RB1CC1: variants seen among roughly 807,000 people sequenced by gnomAD.
RB1CC1 encodes the protein RB1-inducible coiled-coil protein 1.
In RB1CC1, 46 loss-of-function variants were observed where a neutral mutation model predicts 177.5. That is an observed-to-expected ratio of 0.26 (90% confidence interval 0.20 to 0.33). RB1CC1 has a LOEUF of 0.33. Among genes scored for constraint, RB1CC1 ranks in the 10% least tolerant of loss-of-function variants. The pLI is 1.00. For synonymous variants in RB1CC1, 666 were observed against 613.6 expected (o/e 1.09, Z -1.26); for missense variants, 1,703 against 1,816.3 (o/e 0.94, Z 1.13).
chr8:52,660,627 C>A lies in RB1CC1; in HGVS notation c.1658G>T (p.Arg553Met), dbSNP rs1194129594. 1 of 1,599,832 alleles carries A rather than the reference C, an allele frequency of 6.3e-7. No homozygotes were observed. The highest frequency in any genetic ancestry group is 1.1e-5 in the South Asian group (1 of 87,074). Reference protein sequence around the residue: ...RKSFLRNRLFRGLDSWPPSFC... With the variant: ...RKSFLRNRLFMGLDSWPPSFC... ...GGAAGGGGGCCAGGAGTCCAGTCCC[C>A]TAAACAGACGATTTCTTAAAAAAGA... Residue 553 changes from arginine to methionine, a missense_variant, in exon 12 of 24, where the codon AGG becomes ATG. Arg to Met is a moderately conservative substitution (Grantham distance 91, BLOSUM62 -1). Coordinates refer to ENST00000025008, the MANE Select transcript of RB1CC1 (RefSeq NM_014781.5).
chr8:52,650,875 A>C (rs1415894785), intron 15 of RB1CC1, among the ~76,000 whole-genome samples: 2 of 152,198 alleles, frequency 1.3e-5, no homozygotes, highest in African/African-American at 4.8e-5. Context: ...TGGAAGCAAC[A>C]GCCTTTTTCT....
intron 15 of RB1CC1, among the ~76,000 whole-genome samples, chr8:52,650,807 G>A (rs968799163): frequency 2.2e-4 from 33 of 152,276 alleles, no homozygotes; most frequent in African/African-American, 7.9e-4. Flanking sequence ...GACTAAGGAA[G>A]GCAAGGCTTT....
In RB1CC1 at chr8:52,658,971, T is replaced by C. The variant is rs1352340231; in HGVS notation, c.1695A>G (p.Gln565=). The C allele has an allele frequency of 5.2e-6, 8 of 1,534,680 alleles. No individual in the cohort carries two copies. The East Asian group carries it at 1.2e-4, about 23-fold the overall frequency. Residue 565 remains glutamine (Q), a synonymous_variant, in exon 13 of 24, where the codon CAA becomes CAG. Transcript: ENST00000025008. ...LDSWPPSFCT[Q]KPRKFDCELP... ...GTTCACAGTCAAACTTTCGAGGCTT[T>C]TGAGTCTGTACCAAAAAAATTAATT...
rs778410870 is a variant in RB1CC1 at position 52,657,594 on chromosome 8, C to A, written c.2235G>T (p.Leu745Phe). 3.3e-5 allele frequency: 54 copies of A among 1,613,964 alleles called. No individual in the cohort carries two copies. The highest frequency in any genetic ancestry group is 4.2e-5 in the Non-Finnish European group (50 of 1,180,026). The change falls in exon 15 of 24, where the codon TTG becomes TTT. Residue 745 changes from leucine (L) to phenylalanine (F), a missense_variant. This residue lies in a region of RB1CC1 where 1,169 missense variants were observed against 1,184.7 expected (regional missense o/e 0.99). Transcript: ENST00000025008. ...GATCACTTATAGGATTAGGAGACGA[C>A]AAATTTTCTTCTATTACAAACTCAT... ...AVNEFVIEENLSSPNPISDPQ... is the reference protein window; with the variant it reads ...AVNEFVIEENFSSPNPISDPQ...
At chr8:52,670,051 G>A (rs554708230) in intron 7 of RB1CC1, among the ~76,000 whole-genome samples, 8 of 152,112 alleles carry the variant, frequency 5.3e-5, no homozygotes, top group East Asian at 1.9e-4. Flanking sequence ...GCGATCCTAC[G>A]GCCTCAGCAT....
chr8:52,699,804 CAAAAAAAAA>C (rs1172604874), intron 1 of RB1CC1, among the ~76,000 whole-genome samples: 18 of 38,538 alleles, frequency 4.7e-4, no homozygotes, highest in African/African-American at 3.0e-3. Context: ...ATCTCCGTCT[CAAAAAAAAA>C]AAAAAAAAAA....
chr8:52,641,752 C>A (rs1849605607), intron 18 of RB1CC1, among the ~76,000 whole-genome samples: 1 of 152,092 alleles, frequency 6.6e-6, no homozygotes, highest in Non-Finnish European at 1.5e-5. Flanking sequence ...AGAGGTGCAA[C>A]TAGAAATGCA....
intron 18 of RB1CC1, among the ~76,000 whole-genome samples, chr8:52,639,207 G>A (rs1009198446): frequency 6.6e-6 from 1 of 152,000 alleles, no homozygotes; most frequent in Non-Finnish European, 1.5e-5. Context: ...ATCTTTCCAC[G>A]TACAGCTTTC....
chr8:52,691,459 T>TG (rs1345473479), intron 1 of RB1CC1, among the ~76,000 whole-genome samples: 12 of 152,324 alleles, frequency 7.9e-5, no homozygotes, highest in Non-Finnish European at 1.5e-4. Context: ...ACATACTTGA[T>TG]GAACAATTTA....
intron 6 of RB1CC1, among the ~76,000 whole-genome samples, chr8:52,675,201 CCT>C (rs560895855): frequency 2.0e-5 from 3 of 152,084 alleles, no homozygotes; most frequent in Non-Finnish European, 2.9e-5. Flanking sequence ...CCTTCTCTTT[CCT>C]CTCAAGATTT....
intron 1 of RB1CC1, among the ~76,000 whole-genome samples, chr8:52,691,526 T>C (rs759375882): frequency 6.6e-6 from 1 of 152,228 alleles, no homozygotes; most frequent in South Asian, 2.1e-4. Flanking sequence ...TTAAAATTAA[T>C]TTAAACCACT....
intron 1 of RB1CC1, among the ~76,000 whole-genome samples, chr8:52,698,341 T>C (rs79693496): frequency 6.6e-6 from 1 of 151,988 alleles, no homozygotes; most frequent in Non-Finnish European, 1.5e-5. Context: ...TTTTTTTTTT[T>C]ACACGGAGTC....
At position 52,642,380 on chromosome 8, in the gene RB1CC1, T is replaced by C; in HGVS notation, c.4308A>G (p.Ser1436=). The change falls in exon 18 of 24, where the codon TCA becomes TCG. Residue 1436 remains serine (S), a synonymous_variant. Transcript: ENST00000025008. ...CAGACATCATGCTTGTCTCCATTGC[T>C]GAATCCACTCTTCCTTCATCTGCTG... ...VETADEGRVD[S]AMETSMMSVQ... The C allele has an allele frequency of 6.2e-7, 1 of 1,614,074 alleles. No homozygotes were observed.
At chr8:52,633,431 C>T (rs1848903748) in intron 20 of RB1CC1, among the ~76,000 whole-genome samples, 1 of 152,082 alleles carries the variant, frequency 6.6e-6, no homozygotes, top group South Asian at 2.1e-4. Flanking sequence ...CTACATAAAA[C>T]ACGTATTGAG....
rs1205838691 is a variant in RB1CC1, at chr8:52,622,472, C to T, written c.*1310G>A. The T allele has an allele frequency of 9.9e-5, 15 of 151,496 alleles. No homozygotes were observed. In the East Asian group the frequency reaches 2.9e-3, roughly 29 times the overall value. 9.4% of individuals were successfully genotyped at this position (151,496 alleles called of 1,614,324 possible). On this transcript the variant is annotated 3_prime_UTR_variant, in exon 24 of 24. Coordinates refer to ENST00000025008, the MANE Select transcript of RB1CC1 (RefSeq NM_014781.5). ...ATAGAAACATGTGAAATCATTTGTT[C>T]ATTTATTCATTAACTTGTCAAATTC... is the stretch of plus-strand genomic sequence containing the variant.
rs563661056 is a variant in RB1CC1 at position 52,705,229 on chromosome 8, T to C, written c.-167+8846A>G. On this transcript the variant is annotated intron_variant, in intron 1 of 23. Coordinates refer to ENST00000025008, the MANE Select transcript of RB1CC1 (RefSeq NM_014781.5). ...CTGAACAGATCCAAATTGATCTTTA[T>C]ACATGCATACCTGCACTTGTGTATC... Among the ~76,000 whole-genome samples the C allele has an allele frequency of 3.3e-3, 504 of 152,338 alleles. 9 individuals carry two copies. The highest frequency in any genetic ancestry group is 2.5e-3 in the Non-Finnish European group (172 of 68,030).
chr8:52,684,868 G>A (rs1563439312), intron 3 of RB1CC1, among the ~76,000 whole-genome samples: 1 of 151,974 alleles, frequency 6.6e-6, no homozygotes, highest in Non-Finnish European at 1.5e-5. Flanking sequence ...TCTGTTTACT[G>A]TTTACATGAA....
Position 52,684,011 on chromosome 8 carries a change from A to C in RB1CC1, c.74T>G (p.Val25Gly). The change falls in exon 4 of 24, where the codon GTG (valine) becomes GGG (glycine). Residue 25 changes from valine (V) to glycine (G), a missense_variant and splice_region_variant. By Grantham distance (109) the Val-to-Gly change is moderately radical (BLOSUM62 -3). Coordinates refer to ENST00000025008, the MANE Select transcript of RB1CC1 (RefSeq NM_014781.5). ...TFDTELTVQT[V>G]ADLKHAIQSK... is the part of the protein sequence containing the mutation. ...TTGAATGGCATGCTTAAGGTCTGCCACACTTCAAAAAATGAAATAAAATAA... is the reference window on the plus strand; with the variant it reads ...TTGAATGGCATGCTTAAGGTCTGCCCCACTTCAAAAAATGAAATAAAATAA... The C allele has an allele frequency of 6.2e-7, 1 of 1,610,614 alleles. No homozygotes were observed. The highest frequency in any genetic ancestry group is 1.7e-5 in the Admixed American group (1 of 58,998).
intron 15 of RB1CC1, among the ~76,000 whole-genome samples, chr8:52,652,314 A>G (rs1028830943): frequency 6.6e-6 from 1 of 152,134 alleles, no homozygotes; most frequent in East Asian, 1.9e-4. Flanking sequence ...AAAATACAAC[A>G]AATTAGCTGG....
Sources: gnomAD v4.1 joint callset for allele counts (sites outside exome capture counted in the v4.1 genomes callset) on GRCh38, gnomAD v4.1.1 for gene constraint, gnomAD v4.1.1 regional missense constraint, MANE v1.5 for transcripts, NCBI Gene and HGNC (gene_info 2026-07-23, HGNC 2026-07-21) for gene names.